The following LMNB2 variants were observed in gnomAD, a reference collection of about 807,000 sequenced individuals.
LMNB2 encodes lamin-B2.
A neutral mutation model predicts 69.3 loss-of-function variants in LMNB2; 17 were observed. The observed-to-expected ratio is 0.25, with a 90% confidence interval of 0.17 to 0.37. The LOEUF (loss-of-function observed/expected upper bound fraction) is 0.37, where lower values mean the gene tolerates loss of function less well. Among genes scored for constraint, LMNB2 ranks in the 10% least tolerant of loss-of-function variants. LMNB2 has a pLI of 1.00. For synonymous variants in LMNB2, 397 were observed against 389.3 expected (o/e 1.02, Z -0.23); for missense variants, 789 against 883.6 (o/e 0.89, Z 1.36).
At chr19:2,454,437 G>C (rs1359952136) in intron 1 of LMNB2, among the ~76,000 whole-genome samples, 2 of 151,988 alleles carry the variant, frequency 1.3e-5, no homozygotes, top group Non-Finnish European at 2.9e-5. Flanking sequence ...GGGAGCTACT[G>C]AACAAAAGTT....
rs2145444273 is a variant in LMNB2 at position 2,431,641 on chromosome 19, A to G, written c.1728T>C (p.Thr576=). 6.2e-7 allele frequency: 1 copy of G among 1,614,104 alleles called. No individual in the cohort carries two copies. The highest frequency in any genetic ancestry group is 1.6e-4 in the Middle Eastern group (1 of 6,062). Reference sequence around the variant, plus strand: ...CACGCATCACCGAGGACTTCTTCACAGTCCTCATGGCCACTTCCTGTGCGG... The same window carrying G: ...CACGCATCACCGAGGACTTCTTCACGGTCCTCATGGCCACTTCCTGTGCGG... ...NADGEEVAMR[T]VKKSSVMREN... The change falls in exon 11 of 12, where the codon ACT becomes ACC. Residue 576 remains threonine (T), a synonymous_variant. Transcript: ENST00000325327.
intron 1 of LMNB2, 22 bp from the exon 2 acceptor site, chr19:2,444,562 T>A: frequency 1.2e-6 from 2 of 1,605,778 alleles, no homozygotes. Flanking sequence ...CAGGACAGGG[T>A]GAAGCGAGAG....
At chr19:2,445,303 C>T (rs1453983434) in intron 1 of LMNB2, among the ~76,000 whole-genome samples, 1 of 151,848 alleles carries the variant, frequency 6.6e-6, no homozygotes, top group Non-Finnish European at 1.5e-5. Context: ...CTTCTGCCAA[C>T]CGGGGGCCAG....
At position 2,435,400 on chromosome 19, in the gene LMNB2, G is replaced by A. The variant is rs558897519; in HGVS notation, c.685-229C>T. ...GAGGCTCTGACACCGCCACAGCATGGATGCACCTTGAGGACGTCACACTCA... is the reference window on the plus strand; with the variant it reads ...GAGGCTCTGACACCGCCACAGCATGAATGCACCTTGAGGACGTCACACTCA... On this transcript the variant is annotated intron_variant, in intron 4 of 11. Transcript: ENST00000325327. Among the ~76,000 whole-genome samples, 43 of 152,332 alleles carry A rather than the reference G, an allele frequency of 2.8e-4. 2 individuals are homozygous for A. The South Asian group carries it at 8.3e-3, about 29-fold the overall frequency.
In LMNB2 at chr19:2,434,797, G is replaced by A. The variant is rs1791912346; in HGVS notation, c.972C>T (p.Leu324=). The A allele has an allele frequency of 1.9e-6, 3 of 1,606,978 alleles. No individual in the cohort carries two copies. Among genetic ancestry groups the A allele is most frequent in the Non-Finnish European group, 2.5e-6 (3 of 1,177,984 alleles). Residue 324 remains leucine, a synonymous_variant, in exon 6 of 12, where the codon CTC becomes CTT. Coordinates refer to ENST00000325327, the MANE Select transcript of LMNB2 (RefSeq NM_032737.4). ...LESLSYQLSG[L]QKQASAAEDR... The stretch of plus-strand genomic sequence containing the variant: ...GCGCTGTGCTCATCACCTGCTTCTG[G>A]AGGCCGGAGAGCTGGTAGCTGAGGG...
rs1429161826 is a variant in LMNB2, at chr19:2,430,279, G to T, written c.*632C>A. 2 of 174,312 alleles carry T rather than the reference G, an allele frequency of 1.1e-5. No homozygotes were observed. The highest frequency in any genetic ancestry group is 2.5e-5 in the Non-Finnish European group (2 of 80,408). The allele number at this position is 174,312 out of a possible 1,614,324, so 10.8% of individuals were successfully genotyped here. The stretch of plus-strand genomic sequence containing the variant: ...CTGCGGGAAAACTCCCCCAAATAAA[G>T]TCAACGGTCCGAGAAACCCGGCCGG... On this transcript the variant is annotated 3_prime_UTR_variant, in exon 12 of 12. Transcript: ENST00000325327.
At chr19:2,440,547 TCATC>T (rs1193651165) in intron 2 of LMNB2, among the ~76,000 whole-genome samples, 1 of 152,018 alleles carries the variant, frequency 6.6e-6, no homozygotes, top group Non-Finnish European at 1.5e-5. Flanking sequence ...CATCTACCCA[TCATC>T]CATCCATCCA....
In LMNB2 at chr19:2,438,343, T is replaced by C. The variant is rs373716650; in HGVS notation, c.558+32A>G. ...GACAATCTGTCTGTTGCATATACCCTGCTGGGGCGTCCCGTGGCTCCTGGC... is the reference window on the plus strand; with the variant it reads ...GACAATCTGTCTGTTGCATATACCCCGCTGGGGCGTCCCGTGGCTCCTGGC... On this transcript the variant is annotated intron_variant, in intron 3 of 11. Transcript: ENST00000325327. 4.0e-5 allele frequency: 64 copies of C among 1,613,330 alleles called. No homozygotes were observed. In the African/African-American group the frequency reaches 5.9e-4, roughly 15 times the overall value.
In LMNB2 at chr19:2,435,124, C is replaced by G; in HGVS notation, c.732G>C (p.Val244=). The part of the protein sequence containing the change: ...RRRHERRLVE[V]DSSRQQEYDF... The stretch of plus-strand genomic sequence containing the variant: ...CGTACTCCTGCTGCCGGCTGCTGTC[C>G]ACCTCCACCAGGCGCCGCTCGTGCC... Residue 244 remains valine (V), a synonymous_variant, in exon 5 of 12, where the codon GTG becomes GTC. Transcript: ENST00000325327. The G allele has an allele frequency of 6.2e-7, 1 of 1,607,752 alleles. No homozygotes were observed.
At chr19:2,452,869 G>A (rs982397222) in intron 1 of LMNB2, among the ~76,000 whole-genome samples, 12 of 151,878 alleles carry the variant, frequency 7.9e-5, no homozygotes, top group Non-Finnish European at 1.5e-4. Context: ...CATTCTCATG[G>A]GGGCCGTGTT....
At chr19:2,432,329 C>CCCCCCCCCAGTCCTGTGCCCCCAGT in intron 9 of LMNB2, 87 bp downstream of exon 9, 1 of 823,710 alleles carries the variant, frequency 1.2e-6, no homozygotes. Context: ...TCCCCACCCA[C>CCCCCCCCCAGTCCTGTGCCCCCAGT]CCCCGCCAAG....
At position 2,430,919 on chromosome 19, in the gene LMNB2, C is replaced by T. The variant is rs748688330; in HGVS notation, c.1855G>A (p.Val619Met). 1.6e-5 allele frequency: 26 copies of T among 1,604,582 alleles called. 1 individual carries two copies. The highest frequency in any genetic ancestry group is 6.7e-5 in the East Asian group (3 of 44,854). Reference sequence around the variant, plus strand: ...GGATGAGGAGTGTGGGTTCACATCACGTAGCAGCCTCTTGAGGTGGTCCTC... The same window carrying T: ...GGATGAGGAGTGTGGGTTCACATCATGTAGCAGCCTCTTGAGGTGGTCCTC... ...DPRTTSRGCYVM is the reference protein window; with the variant it reads ...DPRTTSRGCYMM The change falls in exon 12 of 12, where the codon GTG (valine) becomes ATG (methionine). Residue 619 changes from valine to methionine, a missense_variant. Coordinates refer to ENST00000325327, the MANE Select transcript of LMNB2 (RefSeq NM_032737.4).
At chr19:2,440,593 T>A (rs539365190) in intron 2 of LMNB2, among the ~76,000 whole-genome samples, 11 of 151,676 alleles carry the variant, frequency 7.3e-5, no homozygotes, top group Middle Eastern at 3.4e-3. Context: ...CATCCACTCA[T>A]CTGTCCATCT....
intron 2 of LMNB2, among the ~76,000 whole-genome samples, chr19:2,441,683 G>A (rs1408859255): frequency 6.6e-6 from 1 of 152,230 alleles, no homozygotes; most frequent in African/African-American, 2.4e-5. Flanking sequence ...ACGTCCTTGC[G>A]GAGGGAGGCA....
rs1971725481 is a variant in LMNB2, at chr19:2,430,455, G to T, written c.*456C>A. On this transcript the variant is annotated 3_prime_UTR_variant, in exon 12 of 12. Coordinates refer to ENST00000325327, the MANE Select transcript of LMNB2 (RefSeq NM_032737.4). The stretch of plus-strand genomic sequence containing the variant: ...GCTGGGCAGCCAGAATGCAGGCTTG[G>T]CCCCGGGCCCCACCAGGTCGACGCC... The T allele has an allele frequency of 3.6e-6, 1 of 275,176 alleles. No homozygotes were observed. The highest frequency in any genetic ancestry group is 7.1e-6 in the Non-Finnish European group (1 of 140,494). 17.0% of individuals were successfully genotyped at this position (275,176 alleles called of 1,614,324 possible). A position where few individuals can be genotyped will look rare whatever the true frequency, so the allele number is the denominator to read the frequency against.
chr19:2,451,735 C>T (rs967030528), intron 1 of LMNB2, among the ~76,000 whole-genome samples: 2 of 152,152 alleles, frequency 1.3e-5, no homozygotes, highest in African/African-American at 4.8e-5. Flanking sequence ...TGGGACCCCT[C>T]GGACACACAG....
chr19:2,456,637 A>G, intron 1 of LMNB2, 33 bp downstream of exon 1: 1 of 1,444,002 alleles, frequency 6.9e-7, no homozygotes, highest in Non-Finnish European at 9.2e-7. Flanking sequence ...TGCCGGCTGC[A>G]CCCCCGCCCG....
At chr19:2,455,536 AC>A (rs1972077285) in intron 1 of LMNB2, among the ~76,000 whole-genome samples, 1 of 151,806 alleles carries the variant, frequency 6.6e-6, no homozygotes, top group South Asian at 2.1e-4. Flanking sequence ...CTAGTCTGTA[AC>A]CCCCATGGCC....
Position 2,456,872 on chromosome 19 carries a change from A to ATGG in LMNB2, c.59_61dup (p.Thr20dup), listed in dbSNP as rs761945107. ...CGCGCGGCCGGGCAGCGGCGTGGCC[A>ATGG]TGGTGGCGGCGGCTCGCGGCCTGCG... is the stretch of plus-strand genomic sequence containing the variant. On this transcript the variant is annotated inframe_insertion, in exon 1 of 12. Transcript: ENST00000325327. The ATGG allele has an allele frequency of 8.8e-7, 1 of 1,138,134 alleles. No homozygotes were observed. The highest frequency in any genetic ancestry group is 1.1e-6 in the Non-Finnish European group (1 of 930,348). 70.5% of individuals were successfully genotyped at this position (1,138,134 alleles called of 1,614,324 possible).
Sources: gnomAD v4.1 joint callset for allele counts (sites outside exome capture counted in the v4.1 genomes callset) on GRCh38, gnomAD v4.1.1 for gene constraint, MANE v1.5 for transcripts, NCBI Gene and HGNC (gene_info 2026-07-23, HGNC 2026-07-21) for gene names.